Variants in USP12 observed in about 807,000 individuals in gnomAD.
The protein encoded by USP12 is ubiquitin specific peptidase 12.
USP12 carries 19 observed loss-of-function variants against 45.5 expected under a neutral mutation model. The ratio of observed to expected loss-of-function variants is 0.42; its 90% confidence interval spans 0.29 to 0.61. The LOEUF (loss-of-function observed/expected upper bound fraction) is 0.61, where lower values mean the gene tolerates loss of function less well. USP12 is among the 20% of genes least tolerant of loss of function. USP12 has a pLI of 0.22. For synonymous variants in USP12, 149 were observed against 148.8 expected (o/e 1.00, Z -0.01); for missense variants, 242 against 447.7 (o/e 0.54, Z 4.15).
At chr13:27,118,047 A>C (rs1171231197) in intron 1 of USP12, among the ~76,000 whole-genome samples, 1 of 150,440 alleles carries the variant, frequency 6.6e-6, no homozygotes, top group African/African-American at 2.5e-5. Flanking sequence ...TGCTCAAAAA[A>C]TATCAAAATG....
At chr13:27,088,416 C>A (rs1452892041) in intron 6 of USP12, among the ~76,000 whole-genome samples, 633 of 93,296 alleles carry the variant, frequency 6.8e-3, no homozygotes, top group East Asian at 0.017. Context: ...GACTCCGTCT[C>A]AAAAAAAAAA....
chr13:27,128,790 T>C (rs1876358699), intron 1 of USP12, among the ~76,000 whole-genome samples: 1 of 152,238 alleles, frequency 6.6e-6, no homozygotes, highest in Admixed American at 6.5e-5. Context: ...TGAGAAAACC[T>C]GTGTTGATGC....
intron 1 of USP12, among the ~76,000 whole-genome samples, chr13:27,123,626 T>C (rs548071514): frequency 1.5e-4 from 23 of 152,324 alleles, no homozygotes; most frequent in East Asian, 7.7e-4. Flanking sequence ...CTTCTTGTGA[T>C]AGTGAATAAG....
rs1873041489 is a variant in USP12, at chr13:27,067,308, C to T, written c.*1975G>A. On this transcript the variant is annotated 3_prime_UTR_variant, in exon 9 of 9. Coordinates refer to ENST00000282344, the MANE Select transcript of USP12 (RefSeq NM_182488.4). Reference sequence around the variant, plus strand: ...AAGCTGCAGAAATACAGCTTTAATTCCAAGACAATTTGGTTTAAGCCTTCA... The same window carrying T: ...AAGCTGCAGAAATACAGCTTTAATTTCAAGACAATTTGGTTTAAGCCTTCA... The T allele has an allele frequency of 6.6e-6, 1 of 152,112 alleles. No homozygotes were observed. The highest frequency in any genetic ancestry group is 1.5e-5 in the Non-Finnish European group (1 of 68,036). The allele number at this position is 152,112 out of a possible 1,614,324, so 9.4% of individuals were successfully genotyped here.
chr13:27,066,431 A>C lies in USP12; in HGVS notation c.*2852T>G, dbSNP rs1872995190. ...ACCTCATGATAGAATCTTTAATAAA[A>C]AGTGTTTTTAAAGAAAGTATCAAGA... On this transcript the variant is annotated 3_prime_UTR_variant, in exon 9 of 9. Transcript: ENST00000282344. 1 of 152,204 alleles carries C rather than the reference A, an allele frequency of 6.6e-6. No homozygotes were observed. Among genetic ancestry groups the C allele is most frequent in the African/African-American group, 2.4e-5 (1 of 41,438 alleles). 9.4% of individuals were successfully genotyped at this position (152,204 alleles called of 1,614,324 possible).
chr13:27,079,932 A>G (rs1565982590), intron 6 of USP12, among the ~76,000 whole-genome samples: 3 of 152,204 alleles, frequency 2.0e-5, no homozygotes, highest in African/African-American at 7.2e-5. Context: ...CATTACAATG[A>G]GGGGGTCAGG....
chr13:27,135,576 A>G (rs1357546721), intron 1 of USP12, among the ~76,000 whole-genome samples: 1 of 152,120 alleles, frequency 6.6e-6, no homozygotes, highest in African/African-American at 2.4e-5. Context: ...TTAGCCGGGC[A>G]TGGCAGCACA....
At chr13:27,082,725 G>A (rs538810857) in intron 6 of USP12, among the ~76,000 whole-genome samples, 89 of 152,260 alleles carry the variant, frequency 5.8e-4, no homozygotes, top group Middle Eastern at 3.4e-3. Flanking sequence ...GTTATTAATT[G>A]GCCTAATTTC....
chr13:27,134,387 G>A (rs559889779), intron 1 of USP12, among the ~76,000 whole-genome samples: 22 of 152,268 alleles, frequency 1.4e-4, no homozygotes, highest in African/African-American at 5.1e-4. Context: ...CAGAAAAAAA[G>A]AGGAGAATAA....
At chr13:27,094,731 G>T (rs1874486358) in intron 4 of USP12, among the ~76,000 whole-genome samples, 1 of 150,508 alleles carries the variant, frequency 6.6e-6, no homozygotes, top group South Asian at 2.1e-4. Flanking sequence ...AAAGGTGAGG[G>T]AGGCATATTC....
At chr13:27,103,651 G>C (rs1874985359) in intron 3 of USP12, among the ~76,000 whole-genome samples, 1 of 147,420 alleles carries the variant, frequency 6.8e-6, no homozygotes, top group Non-Finnish European at 1.5e-5. Context: ...AGTGGCTCAT[G>C]CCTGTAATCC....
rs745402131 is a variant in USP12 at position 27,105,961 on chromosome 13, A to G, written c.130-17T>C. 1.9e-6 allele frequency: 3 copies of G among 1,590,170 alleles called. No individual in the cohort carries two copies. The Admixed American group carries it at 5.5e-5, about 29-fold the overall frequency. ...ATTCCCAAACTGCAACAGAAAAAAA[A>G]AAGTTTTGTTAAATTTAGGGCAACA... On this transcript the variant is annotated splice_polypyrimidine_tract_variant and intron_variant, in intron 2 of 8. Coordinates refer to ENST00000282344, the MANE Select transcript of USP12 (RefSeq NM_182488.4).
rs376107009 is a variant in USP12, at chr13:27,154,420, T to G, written c.48+17172A>C. ...CCTGAATGTTCCACTGCATCTTTAC[T>G]TTTCTCCTGCTGAGACTGGTAGTGT... On this transcript the variant is annotated intron_variant, in intron 1 of 8. Transcript: ENST00000282344. Among the ~76,000 whole-genome samples, 90 of 152,340 alleles carry G rather than the reference T, an allele frequency of 5.9e-4. 2 individuals carry two copies. The East Asian group carries it at 8.9e-3, about 15-fold the overall frequency.
At chr13:27,153,372 A>G (rs1388529426) in intron 1 of USP12, among the ~76,000 whole-genome samples, 4 of 152,268 alleles carry the variant, frequency 2.6e-5, no homozygotes, top group African/African-American at 9.6e-5. Context: ...AAAGTCTTCA[A>G]TTTTGTTTTT....
At chr13:27,112,129 T>C (rs1875478275) in intron 2 of USP12, among the ~76,000 whole-genome samples, 1 of 152,150 alleles carries the variant, frequency 6.6e-6, no homozygotes, top group African/African-American at 2.4e-5. Flanking sequence ...GGTTCCACTA[T>C]CTGACCTTGG....
chr13:27,132,972 G>T (rs567271230), intron 1 of USP12, among the ~76,000 whole-genome samples: 1 of 152,320 alleles, frequency 6.6e-6, no homozygotes, highest in South Asian at 2.1e-4. Flanking sequence ...TGGCAACACA[G>T]CCATGCTCCT....
At chr13:27,124,586 G>T (rs1367583723) in intron 1 of USP12, among the ~76,000 whole-genome samples, 2 of 152,168 alleles carry the variant, frequency 1.3e-5, no homozygotes, top group Non-Finnish European at 2.9e-5. Context: ...GTTAGATCAG[G>T]TCAGTACACA....
intron 1 of USP12, among the ~76,000 whole-genome samples, chr13:27,153,316 T>A (rs928525934): frequency 3.3e-5 from 5 of 152,274 alleles, no homozygotes; most frequent in Admixed American, 1.3e-4. Flanking sequence ...CAAAAAAAAA[T>A]AAGTAAATAA....
chr13:27,158,766 G>A (rs1448263322), intron 1 of USP12, among the ~76,000 whole-genome samples: 1 of 152,160 alleles, frequency 6.6e-6, no homozygotes, highest in Non-Finnish European at 1.5e-5. Flanking sequence ...TTAATAAAAT[G>A]AAAATGTGCA....
Sources: gnomAD v4.1 joint callset for allele counts (sites outside exome capture counted in the v4.1 genomes callset) on GRCh38, gnomAD v4.1.1 for gene constraint, MANE v1.5 for transcripts, NCBI Gene and HGNC (gene_info 2026-07-23, HGNC 2026-07-21) for gene names.